BMP5: variants seen among roughly 807,000 people sequenced by gnomAD.
The protein encoded by BMP5 is bone morphogenetic protein 5.
Under a neutral mutation model 46.6 loss-of-function variants are expected in BMP5, and 23 were observed. The ratio of observed to expected loss-of-function variants is 0.49; its 90% CI spans 0.35 to 0.70. The LOEUF is 0.70. Among genes scored for constraint, BMP5 ranks in the 30% least tolerant of loss-of-function variants. The probability of loss-of-function intolerance (pLI) is 0.00; values close to 1 mark genes in which losing one functional copy is unlikely to be tolerated. For synonymous variants in BMP5, 204 were observed against 191.9 expected (o/e 1.06, Z -0.52); for missense variants, 545 against 565.6 (o/e 0.96, Z 0.37).
At chr6:55,836,420 T>G (rs957496706) in intron 1 of BMP5, among the ~76,000 whole-genome samples, 1 of 152,086 alleles carries the variant, frequency 6.6e-6, no homozygotes, top group African/African-American at 2.4e-5. Context: ...GAAACCTTTT[T>G]CTATTACTCT....
intron 4 of BMP5, 70 bp from the exon 5 acceptor site, chr6:55,760,603 A>C: frequency 7.3e-7 from 1 of 1,366,198 alleles, no homozygotes; most frequent in South Asian, 1.2e-5. Flanking sequence ...TTGTGAGATC[A>C]CTGGTAAGAT....
At position 55,842,805 on chromosome 6, in the gene BMP5, G is replaced by A. The variant is rs9475424; in HGVS notation, c.491-22958C>T. Reference sequence around the variant, plus strand: ...TCATTGGAATTATTTGTTTTGTTGTGTTATACTTCTTAGCTTTGAAGGTAT... The same window carrying A: ...TCATTGGAATTATTTGTTTTGTTGTATTATACTTCTTAGCTTTGAAGGTAT... On this transcript the variant is annotated intron_variant, in intron 1 of 6. Coordinates refer to ENST00000370830, the MANE Select transcript of BMP5 (RefSeq NM_021073.4). 3.6e-3 allele frequency among the ~76,000 whole-genome samples: 548 copies of A among 151,748 alleles called. 5 individuals are homozygous for A. The highest frequency in any genetic ancestry group is 0.013 in the African/African-American group (518 of 41,346).
At chr6:55,803,283 C>T (rs1006105169) in intron 2 of BMP5, among the ~76,000 whole-genome samples, 1 of 150,976 alleles carries the variant, frequency 6.6e-6, no homozygotes, top group East Asian at 2.0e-4. Flanking sequence ...GTGACAAGAG[C>T]GAAGCTCTGC....
At chr6:55,784,197 CT>C (rs1401775335) in intron 3 of BMP5, among the ~76,000 whole-genome samples, 1 of 151,770 alleles carries the variant, frequency 6.6e-6, no homozygotes, top group Non-Finnish European at 1.5e-5. Context: ...ATGTTACCTG[CT>C]TTGGGACTTG....
At chr6:55,836,755 C>T (rs1776804557) in intron 1 of BMP5, among the ~76,000 whole-genome samples, 1 of 152,036 alleles carries the variant, frequency 6.6e-6, no homozygotes, top group Non-Finnish European at 1.5e-5. Context: ...GTGCTGTCAA[C>T]TCTACGTTCA....
chr6:55,764,442 G>A lies in BMP5; in HGVS notation c.1028-3909C>T, dbSNP rs973271791. Among the ~76,000 whole-genome samples, 3 of 151,988 alleles carry A rather than the reference G, an allele frequency of 2.0e-5. No homozygotes were observed. The East Asian group carries it at 5.8e-4, about 30-fold the overall frequency. ...CGAAAAATTAGCCAGGCGTAGTGGC[G>A]GACGCCTGTAGTCCCAGCTACTCAG... On this transcript the variant is annotated intron_variant, in intron 4 of 6. Transcript: ENST00000370830.
chr6:55,819,578 C>T (rs1776359038), intron 2 of BMP5, 77 bp downstream of exon 2: 1 of 1,166,340 alleles, frequency 8.6e-7, no homozygotes, highest in Admixed American at 1.9e-5. Flanking sequence ...TTTGATAGAT[C>T]ACATGAGTTA....
At position 55,755,659 on chromosome 6, in the gene BMP5, G is replaced by A. The variant is rs377102290; in HGVS notation, c.1239C>T (p.His413=). 4.6e-5 allele frequency: 74 copies of A among 1,612,138 alleles called. No individual in the cohort carries two copies. Among genetic ancestry groups the A allele is most frequent in the African/African-American group, 4.4e-4 (33 of 74,788 alleles). Residue 413 remains histidine, a synonymous_variant, in exon 7 of 7, where the codon CAC becomes CAT. Coordinates refer to ENST00000370830, the MANE Select transcript of BMP5 (RefSeq NM_021073.4). Reference sequence around the variant, plus strand: ...TTGGAGCACAACAAGGCTTTGGTACGTGGTCAGGAAACATCAGATGAACCT... The same window carrying A: ...TTGGAGCACAACAAGGCTTTGGTACATGGTCAGGAAACATCAGATGAACCT... ...QTLVHLMFPD[H]VPKPCCAPTK... is the part of the protein sequence containing the mutation.
chr6:55,814,301 T>A (rs943053367), intron 2 of BMP5, among the ~76,000 whole-genome samples: 1 of 152,164 alleles, frequency 6.6e-6, no homozygotes, highest in African/African-American at 2.4e-5. Flanking sequence ...TTTGCCATTA[T>A]GTATATAGTT....
rs1582038077 is a variant in BMP5, at chr6:55,755,311, T to C, written c.*222A>G. On this transcript the variant is annotated 3_prime_UTR_variant, in exon 7 of 7. Transcript: ENST00000370830. ...ATACTAGATGATCTATTGTATAATG[T>C]AGTGGCCTATGAAATAGATTTTATT... 1.2e-5 allele frequency: 6 copies of C among 483,822 alleles called. No homozygotes were observed. In the East Asian group the frequency reaches 2.2e-4, roughly 18 times the overall value. 30.0% of individuals were successfully genotyped at this position (483,822 alleles called of 1,614,324 possible).
intron 2 of BMP5, among the ~76,000 whole-genome samples, chr6:55,810,103 T>C (rs1383537090): frequency 6.6e-5 from 10 of 152,178 alleles, no homozygotes; most frequent in Non-Finnish European, 1.5e-5. Flanking sequence ...GTTTCCCTCA[T>C]CAGCAGCTTT....
intron 4 of BMP5, among the ~76,000 whole-genome samples, chr6:55,772,310 A>G (rs1775065568): frequency 6.6e-6 from 1 of 151,890 alleles, no homozygotes; most frequent in Admixed American, 6.6e-5. Context: ...AATAGAGTTA[A>G]CCAATAGGGA....
chr6:55,810,992 ACCTCT>A (rs753191571), intron 2 of BMP5, among the ~76,000 whole-genome samples: 12 of 152,176 alleles, frequency 7.9e-5, no homozygotes, highest in Admixed American at 6.5e-5. Flanking sequence ...CCAGGTAAGA[ACCTCT>A]AAAATAGAGC....
At chr6:55,820,092 G>T (rs779729757) in intron 1 of BMP5, among the ~76,000 whole-genome samples, 10 of 152,054 alleles carry the variant, frequency 6.6e-5, no homozygotes, top group Non-Finnish European at 1.2e-4. Context: ...TAAATGGAAA[G>T]GTTATCCAAA....
At chr6:55,797,106 G>A (rs1775733737) in intron 2 of BMP5, among the ~76,000 whole-genome samples, 1 of 152,096 alleles carries the variant, frequency 6.6e-6, no homozygotes, top group Non-Finnish European at 1.5e-5. Flanking sequence ...AAGACTATGA[G>A]TAATAAACAC....
chr6:55,842,209 T>A (rs997731979), intron 1 of BMP5, among the ~76,000 whole-genome samples: 1 of 152,198 alleles, frequency 6.6e-6, no homozygotes, highest in Admixed American at 6.5e-5. Context: ...TTGTGATTTC[T>A]TAGAGCGGAT....
intron 5 of BMP5, among the ~76,000 whole-genome samples, chr6:55,760,084 A>G (rs558563997): frequency 6.6e-4 from 100 of 152,112 alleles, no homozygotes; most frequent in African/African-American, 2.2e-3. Context: ...CATGACAGGG[A>G]CATTCCAATA....
At position 55,771,162 on chromosome 6, in the gene BMP5, A is replaced by G. The variant is rs1279145617; in HGVS notation, c.1027+2887T>C. ...ACAATAAAGCAAAATGCAATAAAACATGGTATGCCTGTACTCTATTCTTTT... is the reference window on the plus strand; with the variant it reads ...ACAATAAAGCAAAATGCAATAAAACGTGGTATGCCTGTACTCTATTCTTTT... On this transcript the variant is annotated intron_variant, in intron 4 of 6. Transcript: ENST00000370830. 2.6e-5 allele frequency among the ~76,000 whole-genome samples: 4 copies of G among 151,792 alleles called. No homozygotes were observed. In the East Asian group the frequency reaches 7.8e-4, roughly 30 times the overall value.
Position 55,834,650 on chromosome 6 carries a change from C to T in BMP5, c.491-14803G>A, listed in dbSNP as rs187579392. ...TACTAGCTGTCAAGGGAATACACGCCATCCTTTCCCCCAAAAAAGTAAAAC... is the reference window on the plus strand; with the variant it reads ...TACTAGCTGTCAAGGGAATACACGCTATCCTTTCCCCCAAAAAAGTAAAAC... On this transcript the variant is annotated intron_variant, in intron 1 of 6. Transcript: ENST00000370830. Among the ~76,000 whole-genome samples the T allele has an allele frequency of 3.4e-3, 511 of 152,238 alleles. 4 individuals are homozygous for T. Among genetic ancestry groups the T allele is most frequent in the South Asian group, 0.022 (106 of 4,824 alleles).
Sources: gnomAD v4.1 joint callset for allele counts (sites outside exome capture counted in the v4.1 genomes callset) on GRCh38, gnomAD v4.1.1 for gene constraint, MANE v1.5 for transcripts, NCBI Gene and HGNC (gene_info 2026-07-23, HGNC 2026-07-21) for gene names.